Variants in CUX1 observed in about 807,000 individuals in gnomAD.
CUX1 encodes protein CASP.
In CUX1, 31 loss-of-function variants were observed where a neutral mutation model predicts 158.8. That is an observed-to-expected ratio of 0.20 (90% CI 0.15 to 0.26). The LOEUF (loss-of-function observed/expected upper bound fraction) is 0.26, where lower values mean the gene tolerates loss of function less well. CUX1 is among the 10% of genes least tolerant of loss of function. CUX1 has a pLI of 1.00. For synonymous variants in CUX1, 879 were observed against 862.1 expected (o/e 1.02, Z -0.34); for missense variants, 1,589 against 2,014.6 (o/e 0.79, Z 4.04).
chr7:102,275,634 C>T (rs1193138802), intron 17 of CUX1, among the ~76,000 whole-genome samples: 1 of 152,144 alleles, frequency 6.6e-6, no homozygotes, highest in Non-Finnish European at 1.5e-5. Flanking sequence ...CAAGTGCCCT[C>T]TTGCCAGGCT....
intron 8 of CUX1, chr7:102,125,902 C>T (rs1388037137): frequency 6.6e-6 from 1 of 152,054 alleles, no homozygotes; most frequent in Non-Finnish European, 1.5e-5. Flanking sequence ...GATCTTGGCT[C>T]ACTACAACCT....
intron 21 of CUX1, among the ~76,000 whole-genome samples, 170 bp downstream of exon 21, chr7:102,227,839 C>T (rs1460763442): frequency 9.2e-5 from 14 of 152,244 alleles, no homozygotes; most frequent in African/African-American, 2.9e-4. Flanking sequence ...GTGCCGTCTG[C>T]AGGTCAGTCC....
At chr7:102,240,986 A>G (rs774357388) in intron 23 of CUX1, among the ~76,000 whole-genome samples, 20 of 151,958 alleles carry the variant, frequency 1.3e-4, no homozygotes, top group Non-Finnish European at 2.5e-4. Context: ...ACGCCTGGCT[A>G]ATTTTTGTAT....
intron 1 of CUX1, among the ~76,000 whole-genome samples, chr7:101,861,261 T>C (rs566125881): frequency 3.3e-5 from 5 of 152,268 alleles, no homozygotes; most frequent in South Asian, 2.1e-4. Flanking sequence ...GCACGCATAC[T>C]CCTGGTCACT....
In CUX1 at chr7:101,975,101, CTT is replaced by C. The variant is rs1159778125; in HGVS notation, c.142-52996_142-52995del. ...CATCGTCCCCACTAAAAATACAAAA[CTT>C]AGCCGGGCGTGATGGGAGGTGCCTG... is the stretch of plus-strand genomic sequence containing the variant. On this transcript the variant is annotated intron_variant, in intron 2 of 23. Coordinates refer to ENST00000292535, the MANE Select transcript of CUX1 (RefSeq NM_181552.4). Among the ~76,000 whole-genome samples the C allele has an allele frequency of 1.3e-5, 2 of 151,958 alleles. 1 individual carries two copies. Among genetic ancestry groups the C allele is most frequent in the Non-Finnish European group, 2.9e-5 (2 of 67,984 alleles).
intron 2 of CUX1, among the ~76,000 whole-genome samples, chr7:102,009,746 G>C (rs202143): frequency 2.0e-5 from 3 of 152,218 alleles, no homozygotes; most frequent in African/African-American, 7.2e-5. Context: ...AGACAGGTTG[G>C]CCAAGGGCCT....
chr7:102,250,860 C>A lies in CUX1; in HGVS notation c.*1818C>A. 1 of 985,370 alleles carries A rather than the reference C, an allele frequency of 1.0e-6. No individual in the cohort carries two copies. Among genetic ancestry groups the A allele is most frequent in the Non-Finnish European group, 1.2e-6 (1 of 829,926 alleles). 61.0% of individuals were successfully genotyped at this position (985,370 alleles called of 1,614,324 possible). ...TGTGCACACGTAGAGTGCATTACTG[C>A]CACCTTTTTCAATAAGCTGTTTTAT... On this transcript the variant is annotated 3_prime_UTR_variant, in exon 24 of 24. Coordinates refer to ENST00000292535, the MANE Select transcript of CUX1 (RefSeq NM_181552.4).
At chr7:102,007,733 T>TTTTTG (rs562179854) in intron 2 of CUX1, among the ~76,000 whole-genome samples, 145 of 151,366 alleles carry the variant, frequency 9.6e-4, no homozygotes, top group African/African-American at 3.1e-3. Flanking sequence ...TCTGGTGTTT[T>TTTTTG]TTTTGTTTTG....
chr7:101,826,934 C>CT (rs964537525), intron 1 of CUX1, among the ~76,000 whole-genome samples: 4 of 152,120 alleles, frequency 2.6e-5, no homozygotes, highest in Non-Finnish European at 4.4e-5. Context: ...AAAATTAATT[C>CT]TTTTTTTTAA....
chr7:102,059,698 A>G (rs994991269), intron 3 of CUX1, among the ~76,000 whole-genome samples: 6 of 151,914 alleles, frequency 3.9e-5, no homozygotes, highest in Non-Finnish European at 7.4e-5. Flanking sequence ...TGTTTTGGAC[A>G]GCATCCGACT....
At chr7:101,860,782 T>TTCCTTCCTTCCTTCCTTCCC (rs1333109906) in intron 1 of CUX1, among the ~76,000 whole-genome samples, 2 of 128,836 alleles carry the variant, frequency 1.6e-5, no homozygotes, top group Non-Finnish European at 3.2e-5. Context: ...CCTTCCTTCC[T>TTCCTTCCTTCCTTCCTTCCC]TCCCTCCTTC....
chr7:102,196,569 G>T (rs1000976487), intron 14 of CUX1, 65 bp from the exon 15 acceptor site: 19 of 1,381,666 alleles, frequency 1.4e-5, no homozygotes, highest in Non-Finnish European at 1.7e-5. Flanking sequence ...TTTGCATTTT[G>T]GTCTTGGTTT....
At chr7:101,865,479 G>A (rs1456241853) in intron 1 of CUX1, among the ~76,000 whole-genome samples, 1 of 152,204 alleles carries the variant, frequency 6.6e-6, no homozygotes, top group Non-Finnish European at 1.5e-5. Context: ...TGCACTGTGT[G>A]GAGTTATCAT....
intron 3 of CUX1, among the ~76,000 whole-genome samples, chr7:102,043,031 A>T (rs1822300794): frequency 6.6e-6 from 1 of 152,140 alleles, no homozygotes; most frequent in Non-Finnish European, 1.5e-5. Flanking sequence ...GCACAGTCTC[A>T]GCTCACTGCA....
intron 23 of CUX1, among the ~76,000 whole-genome samples, chr7:102,242,798 C>T (rs542758278): frequency 1.3e-5 from 2 of 152,332 alleles, no homozygotes; most frequent in East Asian, 3.9e-4. Flanking sequence ...CAGTTTGCTG[C>T]TTGTCTTGCT....
chr7:102,078,919 C>G (rs1355406171), intron 4 of CUX1, among the ~76,000 whole-genome samples: 1 of 152,114 alleles, frequency 6.6e-6, no homozygotes, highest in Admixed American at 6.6e-5. Context: ...TCCTTGTCGG[C>G]CTAGCATCTG....
chr7:102,063,259 G>A (rs1395728410), intron 3 of CUX1, among the ~76,000 whole-genome samples: 1 of 152,142 alleles, frequency 6.6e-6, no homozygotes. Flanking sequence ...GCTGTTGGGT[G>A]TGTACAGTGG....
chr7:102,238,005 A>C (rs1430006546), intron 22 of CUX1, among the ~76,000 whole-genome samples: 1 of 152,222 alleles, frequency 6.6e-6, no homozygotes, highest in Non-Finnish European at 1.5e-5. Context: ...ACTTTCACTA[A>C]TTTGCTACTG....
At chr7:102,111,581 G>C in intron 6 of CUX1, 117 bp from the exon 7 acceptor site, 1 of 880,916 alleles carries the variant, frequency 1.1e-6, no homozygotes, top group East Asian at 2.5e-5. Flanking sequence ...GCGATACCCC[G>C]TGGTGCGCCT....
Sources: allele counts gnomAD v4.1 joint callset (sites outside exome capture counted in the v4.1 genomes callset), GRCh38; gene constraint gnomAD v4.1.1; transcripts MANE v1.5; gene names NCBI Gene and HGNC (gene_info 2026-07-23, HGNC 2026-07-21).